KAZN: variants seen among roughly 807,000 people sequenced by gnomAD.
KAZN encodes kazrin.
Under a neutral mutation model 87.4 loss-of-function variants are expected in KAZN, and 40 were observed. The ratio of observed to expected loss-of-function variants is 0.46; its 90% CI spans 0.36 to 0.60. The LOEUF (loss-of-function observed/expected upper bound fraction) is 0.60, where lower values mean the gene tolerates loss of function less well. Among genes scored for constraint, KAZN ranks in the 20% least tolerant of loss-of-function variants. The pLI, the probability that KAZN is intolerant of heterozygous loss-of-function variation, is 0.00. For missense variants in KAZN, 898 were observed against 1,073.9 expected, an observed-to-expected ratio of 0.84 and a Z score of 2.29; for synonymous variants, 466 against 458.3, an observed-to-expected ratio of 1.02 and a Z score of -0.22.
At chr1:14,517,423 C>A (rs1331209874) in intron 2 of KAZN, among the ~76,000 whole-genome samples, 3 of 152,200 alleles carry the variant, frequency 2.0e-5, no homozygotes, top group African/African-American at 7.2e-5. Context: ...GAAGCTAAAT[C>A]TGCCCCTGGA....
Position 14,139,906 on chromosome 1 carries a change from G to A in KAZN, c.92-40529G>A, listed in dbSNP as rs1645194109. The stretch of plus-strand genomic sequence containing the variant: ...ATTGATTTACTCAAGTGTGGGAGGA[G>A]GGAAAGGGGATTTGAGGTAAATGTG... On this transcript the variant is annotated intron_variant, in intron 1 of 16. Coordinates refer to the KAZN transcript ENST00000636203. Among the ~76,000 whole-genome samples the A allele has an allele frequency of 2.6e-5, 4 of 151,630 alleles. No individual in the cohort carries two copies. The South Asian group carries it at 6.3e-4, about 24-fold the overall frequency.
chr1:14,131,292 C>T lies in KAZN; in HGVS notation c.92-49143C>T, dbSNP rs369292848. Among the ~76,000 whole-genome samples, 86 of 152,274 alleles carry T rather than the reference C, an allele frequency of 5.6e-4. 2 individuals are homozygous for T. The Middle Eastern group carries it at 0.02, about 36-fold the overall frequency. On this transcript the variant is annotated intron_variant, in intron 1 of 16. Coordinates refer to the KAZN transcript ENST00000636203. ...TTAACATGAGATTTGAGTGGGGACA[C>T]GTAGCCAAACCATATTACAGTGTGA...
At chr1:14,265,289 T>G (rs1651387842) in intron 2 of KAZN, among the ~76,000 whole-genome samples, 1 of 152,186 alleles carries the variant, frequency 6.6e-6, no homozygotes, top group Admixed American at 6.5e-5. Context: ...ATGCTCATAC[T>G]TTGGAGCTCT....
intron 1 of KAZN, among the ~76,000 whole-genome samples, chr1:14,823,403 A>G (rs1363171770): frequency 6.6e-6 from 1 of 152,040 alleles, no homozygotes; most frequent in Non-Finnish European, 1.5e-5. Context: ...ACAGCCTTGG[A>G]GAATATGGAG....
intron 4 of KAZN, among the ~76,000 whole-genome samples, chr1:15,050,484 G>A (rs1376848831): frequency 2.6e-5 from 4 of 152,176 alleles, no homozygotes; most frequent in Admixed American, 6.5e-5. Flanking sequence ...AGGCCCAGAC[G>A]AGAGGCAGGG....
At chr1:13,896,549 C>T (rs1557706357) in intron 1 of KAZN, among the ~76,000 whole-genome samples, 1 of 152,160 alleles carries the variant, frequency 6.6e-6, no homozygotes, top group Non-Finnish European at 1.5e-5. Context: ...GTCTCAGCCT[C>T]CCCAGATACT....
intron 2 of KAZN, among the ~76,000 whole-genome samples, chr1:14,203,196 G>A (rs1267172868): frequency 6.6e-6 from 1 of 152,084 alleles, no homozygotes; most frequent in Non-Finnish European, 1.5e-5. Flanking sequence ...GTGAAAAATG[G>A]ATTCTGTATA....
At chr1:14,999,807 T>C (rs1668285060) in intron 2 of KAZN, among the ~76,000 whole-genome samples, 1 of 152,188 alleles carries the variant, frequency 6.6e-6, no homozygotes, top group Non-Finnish European at 1.5e-5. Context: ...GCCCTGGGCC[T>C]CCCCACCTCC....
At chr1:14,524,616 T>G (rs1671769424) in intron 2 of KAZN, among the ~76,000 whole-genome samples, 1 of 152,194 alleles carries the variant, frequency 6.6e-6, no homozygotes, top group Non-Finnish European at 1.5e-5. Flanking sequence ...ATGGCCAACC[T>G]GGATGAATTT....
At chr1:14,528,605 T>C (rs1156586167) in intron 2 of KAZN, among the ~76,000 whole-genome samples, 2 of 151,244 alleles carry the variant, frequency 1.3e-5, no homozygotes, top group Non-Finnish European at 2.9e-5. Flanking sequence ...CAAAACCAGG[T>C]TGGCGTCGTG....
chr1:14,012,069 C>T (rs1241834641), intron 1 of KAZN, among the ~76,000 whole-genome samples: 2 of 152,178 alleles, frequency 1.3e-5, no homozygotes, highest in Non-Finnish European at 2.9e-5. Context: ...AATTTCTCCA[C>T]ACCCTACTCT....
At chr1:14,579,373 C>G (rs1361198637) in intron 2 of KAZN, among the ~76,000 whole-genome samples, 1 of 152,120 alleles carries the variant, frequency 6.6e-6, no homozygotes, top group East Asian at 1.9e-4. Context: ...CGCCTGTAAT[C>G]CCAGCACTTT....
At chr1:14,521,936 A>G (rs1339430632) in intron 2 of KAZN, among the ~76,000 whole-genome samples, 1 of 152,178 alleles carries the variant, frequency 6.6e-6, no homozygotes, top group Non-Finnish European at 1.5e-5. Context: ...AGCACATTTC[A>G]GTGAGTACTG....
intron 1 of KAZN, among the ~76,000 whole-genome samples, chr1:14,934,117 A>C (rs1660170407): frequency 6.6e-6 from 1 of 151,512 alleles, no homozygotes; most frequent in Non-Finnish European, 1.5e-5. Flanking sequence ...GGCCTCCCAA[A>C]GTGCTGGGAT....
intron 2 of KAZN, among the ~76,000 whole-genome samples, chr1:14,570,085 C>G (rs2148543312): frequency 6.6e-6 from 1 of 152,164 alleles, no homozygotes; most frequent in African/African-American, 2.4e-5. Flanking sequence ...GGCACTCCAG[C>G]CTGGGTGACA....
intron 11 of KAZN, among the ~76,000 whole-genome samples, chr1:15,102,665 C>T (rs1202771621): frequency 2.0e-5 from 3 of 152,184 alleles, no homozygotes; most frequent in Non-Finnish European, 4.4e-5. Context: ...GAAAAGCATC[C>T]ACTGTGTGCC....
chr1:15,008,903 G>A (rs1461361149), intron 2 of KAZN, among the ~76,000 whole-genome samples: 2 of 152,198 alleles, frequency 1.3e-5, no homozygotes, highest in East Asian at 1.9e-4. Flanking sequence ...TGTTTGTTTG[G>A]GCTGTAAGTA....
intron 2 of KAZN, among the ~76,000 whole-genome samples, chr1:14,411,596 C>T (rs1360706848): frequency 6.6e-6 from 1 of 152,134 alleles, no homozygotes; most frequent in Non-Finnish European, 1.5e-5. Context: ...CACCGCGCTC[C>T]CCTGGCAAGA....
At chr1:14,572,750 C>T (rs1322179044) in intron 2 of KAZN, among the ~76,000 whole-genome samples, 1 of 152,290 alleles carries the variant, frequency 6.6e-6, no homozygotes, top group East Asian at 1.9e-4. Flanking sequence ...CGGCCCCCCA[C>T]TCCCCTGGAA....
Sources: allele counts gnomAD v4.1 joint callset (sites outside exome capture counted in the v4.1 genomes callset), GRCh38; gene constraint gnomAD v4.1.1; transcripts MANE v1.5; gene names NCBI Gene and HGNC (gene_info 2026-07-23, HGNC 2026-07-21).